Variants in GRIK3 observed in about 807,000 individuals in gnomAD.
The protein encoded by GRIK3 is glutamate ionotropic receptor kainate type subunit 3.
Under a neutral mutation model 102.5 loss-of-function variants are expected in GRIK3, and 29 were observed. That is an observed-to-expected ratio of 0.28 (90% CI 0.21 to 0.39). The LOEUF (loss-of-function observed/expected upper bound fraction) is 0.39. Ranked by LOEUF, GRIK3 falls within the 10% of genes least tolerant of loss-of-function variation. The pLI, the probability that GRIK3 is intolerant of heterozygous loss-of-function variation, is 1.00. For missense variants in GRIK3, 908 were observed against 1,252.4 expected, an observed-to-expected ratio of 0.73 and a Z score of 4.15; for synonymous variants, 511 against 504.9, an observed-to-expected ratio of 1.01 and a Z score of -0.16.
At chr1:36,866,479 A>C (rs971259202) in intron 5 of GRIK3, among the ~76,000 whole-genome samples, 6 of 152,226 alleles carry the variant, frequency 3.9e-5, no homozygotes, top group African/African-American at 1.2e-4. Context: ...GGGAGAGTCT[A>C]TCTCCCTTGG....
chr1:36,970,314 C>T (rs1230470519), intron 1 of GRIK3, among the ~76,000 whole-genome samples: 1 of 152,064 alleles, frequency 6.6e-6, no homozygotes, highest in African/African-American at 2.4e-5. Context: ...GTGGGGCCAC[C>T]GTACCATATC....
chr1:36,899,038 G>A (rs568794795), intron 1 of GRIK3, among the ~76,000 whole-genome samples: 1 of 152,172 alleles, frequency 6.6e-6, no homozygotes, highest in African/African-American at 2.4e-5. Flanking sequence ...AACTCAAAAT[G>A]GATCAAAGAC....
At chr1:36,826,344 T>C (rs1642754617) in intron 10 of GRIK3, among the ~76,000 whole-genome samples, 1 of 152,216 alleles carries the variant, frequency 6.6e-6, no homozygotes, top group Non-Finnish European at 1.5e-5. Context: ...CAAATGCAAG[T>C]TGGGCAAAGA....
chr1:37,025,328 G>A (rs1280854668), intron 1 of GRIK3, among the ~76,000 whole-genome samples: 1 of 152,116 alleles, frequency 6.6e-6, no homozygotes, highest in Non-Finnish European at 1.5e-5. Flanking sequence ...TCATGATCTG[G>A]GAAACTGTTA....
intron 1 of GRIK3, among the ~76,000 whole-genome samples, chr1:36,914,992 C>G (rs1190913489): frequency 1.3e-5 from 2 of 152,204 alleles, no homozygotes; most frequent in Non-Finnish European, 2.9e-5. Flanking sequence ...TAATTATTAT[C>G]ATTAGCACAT....
At chr1:36,925,017 T>G (rs1193607054) in intron 1 of GRIK3, among the ~76,000 whole-genome samples, 1 of 152,168 alleles carries the variant, frequency 6.6e-6, no homozygotes, top group Non-Finnish European at 1.5e-5. Flanking sequence ...CATTATTAAA[T>G]CTAATGCTCC....
At chr1:37,014,116 C>T (rs574814080) in intron 1 of GRIK3, among the ~76,000 whole-genome samples, 35 of 152,256 alleles carry the variant, frequency 2.3e-4, no homozygotes, top group Non-Finnish European at 4.8e-4. Flanking sequence ...GAGGCCCTTC[C>T]TACTCCCAAA....
At chr1:36,807,473 G>A (rs1642514165) in intron 13 of GRIK3, among the ~76,000 whole-genome samples, 1 of 152,186 alleles carries the variant, frequency 6.6e-6, no homozygotes, top group African/African-American at 2.4e-5. Flanking sequence ...ATGTCAACCT[G>A]CCTGACTGGC....
intron 1 of GRIK3, among the ~76,000 whole-genome samples, chr1:37,011,106 A>G (rs1478372615): frequency 6.6e-6 from 1 of 152,156 alleles, no homozygotes; most frequent in East Asian, 1.9e-4. Flanking sequence ...CCAGAGCACT[A>G]TGATTGCACC....
intron 2 of GRIK3, among the ~76,000 whole-genome samples, chr1:36,885,485 T>C (rs1383470392): frequency 6.6e-6 from 1 of 152,180 alleles, no homozygotes; most frequent in Non-Finnish European, 1.5e-5. Flanking sequence ...CTGGTGTTGA[T>C]AGTAGAGTCA....
rs1557452970 is a variant in GRIK3 at position 36,986,473 on chromosome 1, T to G, written c.115+47521A>C. On this transcript the variant is annotated intron_variant, in intron 1 of 15. Transcript: ENST00000373091. ...ATCCATCCATCCATCAGCCCATCCA[T>G]CCATCCATCCATCCATCCATCCATC... Among the ~76,000 whole-genome samples the G allele has an allele frequency of 8.7e-3, 1,267 of 145,612 alleles. 15 individuals carry two copies. The highest frequency in any genetic ancestry group is 0.031 in the African/African-American group (1,177 of 38,122).
intron 1 of GRIK3, among the ~76,000 whole-genome samples, chr1:36,937,128 C>T (rs1641668199): frequency 6.6e-6 from 1 of 152,180 alleles, no homozygotes. Context: ...AAGGATGGCA[C>T]TGTGGAGCAG....
intron 10 of GRIK3, among the ~76,000 whole-genome samples, chr1:36,837,827 G>T (rs1197405663): frequency 1.3e-5 from 2 of 152,230 alleles, no homozygotes; most frequent in Non-Finnish European, 2.9e-5. Flanking sequence ...CTGGATGGCA[G>T]ATGGGGACTC....
chr1:36,808,586 G>T (rs574643377), intron 13 of GRIK3, among the ~76,000 whole-genome samples: 5 of 152,258 alleles, frequency 3.3e-5, no homozygotes, highest in African/African-American at 7.2e-5. Flanking sequence ...CAGTCACCTG[G>T]GGGGAGCTGA....
intron 7 of GRIK3, among the ~76,000 whole-genome samples, chr1:36,855,484 T>C (rs561243356): frequency 6.6e-6 from 1 of 152,322 alleles, no homozygotes; most frequent in East Asian, 1.9e-4. Context: ...TGGGTAAATG[T>C]GCATATGCAA....
chr1:37,003,156 A>C (rs150859648), intron 1 of GRIK3, among the ~76,000 whole-genome samples: 1 of 152,114 alleles, frequency 6.6e-6, no homozygotes, highest in African/African-American at 2.4e-5. Flanking sequence ...ACTATTGGAC[A>C]TCATGACTTA....
rs146294334 is a variant in GRIK3, at chr1:36,836,206, G to A, written c.1530+5530C>T. The stretch of plus-strand genomic sequence containing the variant: ...GGCTCCTCCTGACACCCATGCATGC[G>A]GGCCAGAACTCAGATCTGCTTCTGG... On this transcript the variant is annotated intron_variant, in intron 10 of 15. Coordinates refer to ENST00000373091, the MANE Select transcript of GRIK3 (RefSeq NM_000831.4). Among the ~76,000 whole-genome samples the A allele has an allele frequency of 1.3e-4, 20 of 152,318 alleles. No homozygotes were observed. In the East Asian group the frequency reaches 3.7e-3, roughly 28 times the overall value.
In GRIK3 at chr1:36,828,599, T is replaced by C. The variant is rs139052170; in HGVS notation, c.1531-2773A>G. On this transcript the variant is annotated intron_variant, in intron 10 of 15. Coordinates refer to ENST00000373091, the MANE Select transcript of GRIK3 (RefSeq NM_000831.4). ...ATAGCCTATGATGTTCCAACTACGATGAAAATGCCTAATGACATTTCTCAG... is the reference window on the plus strand; with the variant it reads ...ATAGCCTATGATGTTCCAACTACGACGAAAATGCCTAATGACATTTCTCAG... Among the ~76,000 whole-genome samples the C allele has an allele frequency of 9.8e-5, 15 of 152,314 alleles. No individual in the cohort carries two copies. In the South Asian group the frequency reaches 2.3e-3, roughly 23 times the overall value.
chr1:36,968,217 CT>C (rs1642100069), intron 1 of GRIK3, among the ~76,000 whole-genome samples: 88 of 136,906 alleles, frequency 6.4e-4, no homozygotes, highest in African/African-American at 2.5e-3. Flanking sequence ...CACTCTCTCT[CT>C]CCGTGTGTGT....
Sources: gnomAD v4.1 joint callset for allele counts (sites outside exome capture counted in the v4.1 genomes callset) on GRCh38, gnomAD v4.1.1 for gene constraint, MANE v1.5 for transcripts, NCBI Gene and HGNC (gene_info 2026-07-23, HGNC 2026-07-21) for gene names.